ZNF516: variants seen among roughly 807,000 people sequenced by gnomAD.
ZNF516 encodes zinc finger protein 516.
In ZNF516, 19 loss-of-function variants were observed where a neutral mutation model predicts 79.7. That is an observed-to-expected ratio of 0.24 (90% CI 0.17 to 0.35). ZNF516 has a LOEUF of 0.35. ZNF516 is among the 10% of genes least tolerant of loss of function. The probability of loss-of-function intolerance (pLI) is 1.00; values close to 1 mark genes in which losing one functional copy is unlikely to be tolerated. For missense variants in ZNF516, 1,678 were observed against 1,679.5 expected, an observed-to-expected ratio of 1.00 and a Z score of 0.02; for synonymous variants, 877 against 739.5, an observed-to-expected ratio of 1.19 and a Z score of -3.02.
Position 76,360,644 on chromosome 18 carries a change from AAAATATATATATATAT to A in ZNF516, c.*1838_*1853del, listed in dbSNP as rs1252996544. 2 of 101,664 alleles carry A rather than the reference AAAATATATATATATAT, an allele frequency of 2.0e-5. No individual in the cohort carries two copies. The highest frequency in any genetic ancestry group is 3.7e-5 in the African/African-American group (1 of 27,230). 6.3% of individuals were successfully genotyped at this position (101,664 alleles called of 1,614,324 possible). On this transcript the variant is annotated 3_prime_UTR_variant, in exon 7 of 7. Coordinates refer to ENST00000443185, the MANE Select transcript of ZNF516 (RefSeq NM_014643.4). ...AGAAAAAAATAAGTAAAAAAAAAAA[AAAATATATATATATAT>A]ATATATATATATATATATAAGCTAG...
Position 76,442,433 on chromosome 18 carries a change from C to A in ZNF516, c.622G>T (p.Ala208Ser), listed in dbSNP as rs771426674. 1 of 1,606,734 alleles carries A rather than the reference C, an allele frequency of 6.2e-7. No individual in the cohort carries two copies. Among genetic ancestry groups the A allele is most frequent in the African/African-American group, 1.3e-5 (1 of 75,060 alleles). The change falls in exon 3 of 7, where the codon GCG becomes TCG. Residue 208 changes from alanine to serine, a missense_variant. Transcript: ENST00000443185. ...KPFKCRLCSY[A>S]TLREESLLSH... ...AGCAGCGACTCCTCCCGCAGCGTCG[C>A]GTAGCTGCACAGCCTGCACTTGAAC...
intron 4 of ZNF516, among the ~76,000 whole-genome samples, chr18:76,373,320 A>T (rs2074737506): frequency 6.6e-6 from 1 of 151,830 alleles, no homozygotes; most frequent in Admixed American, 6.6e-5. Context: ...GGGGAGAAAG[A>T]AAAGAAGGAA....
chr18:76,371,695 G>C, intron 4 of ZNF516, 124 bp from the exon 5 acceptor site: 1 of 745,902 alleles, frequency 1.3e-6, no homozygotes, highest in Non-Finnish European at 2.2e-6. Context: ...GTCATCATGT[G>C]AGGCTCCCTT....
At chr18:76,365,566 T>C (rs2074600301) in intron 6 of ZNF516, among the ~76,000 whole-genome samples, 2 of 152,258 alleles carry the variant, frequency 1.3e-5, no homozygotes, top group Admixed American at 1.3e-4. Context: ...ATTAAACATT[T>C]ATTCAGTTGT....
chr18:76,428,211 C>T (rs973271070), intron 3 of ZNF516, among the ~76,000 whole-genome samples: 1 of 151,874 alleles, frequency 6.6e-6, no homozygotes, highest in Non-Finnish European at 1.5e-5. Flanking sequence ...CACAGTGAAA[C>T]CCTGTCTGTA....
chr18:76,362,910 G>C (rs1038167756), intron 6 of ZNF516, among the ~76,000 whole-genome samples: 2 of 152,222 alleles, frequency 1.3e-5, no homozygotes, highest in African/African-American at 4.8e-5. Context: ...AAGTTGGCAA[G>C]ATGAGGAGGC....
Position 76,390,116 on chromosome 18 carries a change from G to A in ZNF516, c.1811-9813C>T, listed in dbSNP as rs547236906. On this transcript the variant is annotated intron_variant, in intron 3 of 6. Transcript: ENST00000443185. Reference sequence around the variant, plus strand: ...CTCTTCCTCCTACACAAAACGTCCTGACGGGTCCCTCAGAGTGAATCTATG... The same window carrying A: ...CTCTTCCTCCTACACAAAACGTCCTAACGGGTCCCTCAGAGTGAATCTATG... Among the ~76,000 whole-genome samples, 18 of 152,284 alleles carry A rather than the reference G, an allele frequency of 1.2e-4. No homozygotes were observed. In the South Asian group the frequency reaches 2.9e-3, roughly 25 times the overall value.
At chr18:76,458,825 G>GTGCCTCACCGTCGTGTGTGTGCA (rs1912912522) in intron 2 of ZNF516, among the ~76,000 whole-genome samples, 1 of 148,706 alleles carries the variant, frequency 6.7e-6, no homozygotes, top group Non-Finnish European at 1.5e-5. Context: ...GTGCGTGTGC[G>GTGCCTCACCGTCGTGTGTGTGCA]TGCCTCACCG....
rs907245283 is a variant in ZNF516, at chr18:76,367,026, G to A, written c.3432+3502C>T. On this transcript the variant is annotated intron_variant, in intron 6 of 6. Coordinates refer to ENST00000443185, the MANE Select transcript of ZNF516 (RefSeq NM_014643.4). ...GATCTCTCCTCTCCACTATAAACCCGTATCTTCGCCTGCCTATTAGACATT... is the reference window on the plus strand; with the variant it reads ...GATCTCTCCTCTCCACTATAAACCCATATCTTCGCCTGCCTATTAGACATT... 4.6e-5 allele frequency among the ~76,000 whole-genome samples: 7 copies of A among 152,258 alleles called. No individual in the cohort carries two copies. The South Asian group carries it at 8.3e-4, about 18-fold the overall frequency.
At position 76,454,306 on chromosome 18, in the gene ZNF516, T is replaced by C. The variant is rs141926701; in HGVS notation, c.-158+8722A>G. 1.0e-3 allele frequency among the ~76,000 whole-genome samples: 155 copies of C among 152,332 alleles called. 1 individual carries two copies. The highest frequency in any genetic ancestry group is 1.3e-3 in the East Asian group (7 of 5,186). On this transcript the variant is annotated intron_variant, in intron 2 of 6. Coordinates refer to ENST00000443185, the MANE Select transcript of ZNF516 (RefSeq NM_014643.4). ...TTTTTTGTTAAAAGAAAAAAACAGA[T>C]ACGCTGAAACTAAGAAGATTTTGAT... is the stretch of plus-strand genomic sequence containing the variant.
chr18:76,370,002 G>A (rs1016227651), intron 6 of ZNF516, among the ~76,000 whole-genome samples: 1 of 152,212 alleles, frequency 6.6e-6, no homozygotes, highest in African/African-American at 2.4e-5. Context: ...CATGTACACA[G>A]GTCACGCCTG....
intron 3 of ZNF516, among the ~76,000 whole-genome samples, chr18:76,382,911 T>C (rs886786304): frequency 4.6e-5 from 7 of 151,636 alleles, no homozygotes; most frequent in Admixed American, 4.6e-4. Context: ...CCAAGCGTGG[T>C]GGCATGCGCC....
chr18:76,414,905 ATAG>A (rs2075413817), intron 3 of ZNF516, among the ~76,000 whole-genome samples: 1 of 152,288 alleles, frequency 6.6e-6, no homozygotes, highest in South Asian at 2.1e-4. Flanking sequence ...ATACAAAAAA[ATAG>A]TAGTTTACAC....
At chr18:76,458,721 G>A (rs1159137049) in intron 2 of ZNF516, among the ~76,000 whole-genome samples, 1 of 148,098 alleles carries the variant, frequency 6.8e-6, no homozygotes, top group Non-Finnish European at 1.5e-5. Context: ...CGTCGTGCGT[G>A]TGCATGCCTG....
upstream of ZNF516, chr18:76,496,280 C>G (rs764147810): frequency 5.4e-6 from 7 of 1,288,556 alleles, no homozygotes; most frequent in African/African-American, 1.1e-4. Flanking sequence ...TCCCACCAGG[C>G]TCCTGGCCGT....
At chr18:76,383,314 G>A (rs975702083) in intron 3 of ZNF516, among the ~76,000 whole-genome samples, 3 of 152,120 alleles carry the variant, frequency 2.0e-5, no homozygotes, top group African/African-American at 7.2e-5. Context: ...CTGGAGAGGC[G>A]CAGGATCCTC....
chr18:76,442,211 C>T lies in ZNF516; in HGVS notation c.844G>A (p.Gly282Ser), dbSNP rs1436759669. 1.2e-6 allele frequency: 2 copies of T among 1,613,820 alleles called. No homozygotes were observed. The highest frequency in any genetic ancestry group is 8.5e-7 in the Non-Finnish European group (1 of 1,179,870). The change falls in exon 3 of 7, where the codon GGC becomes AGC. Residue 282 changes from glycine (G) to serine (S), a missense_variant. Physicochemically the swap from Gly to Ser is moderately conservative, Grantham distance 56. Coordinates refer to ENST00000443185, the MANE Select transcript of ZNF516 (RefSeq NM_014643.4). ...GSFDHGCHIC[G>S]RRFKEPWFLK... ...AACCAGGGCTCCTTGAACCTACGGCCGCAGATGTGGCAGCCGTGGTCGAAG... is the reference window on the plus strand; with the variant it reads ...AACCAGGGCTCCTTGAACCTACGGCTGCAGATGTGGCAGCCGTGGTCGAAG...
At chr18:76,404,956 C>G (rs1239074820) in intron 3 of ZNF516, among the ~76,000 whole-genome samples, 1 of 152,100 alleles carries the variant, frequency 6.6e-6, no homozygotes, top group African/African-American at 2.4e-5. Context: ...GGTCGATGGT[C>G]CCCCTACCCT....
chr18:76,451,561 G>A lies in ZNF516; in HGVS notation c.-157-8350C>T, dbSNP rs771386607. Among the ~76,000 whole-genome samples, 5 of 152,200 alleles carry A rather than the reference G, an allele frequency of 3.3e-5. No homozygotes were observed. The highest frequency in any genetic ancestry group is 2.1e-4 in the South Asian group (1 of 4,832). ...TCATAAAATCTAAAAGAGCAACTACGCTGGTGCGTTTCTGAAGGACGACTC... is the reference window on the plus strand; with the variant it reads ...TCATAAAATCTAAAAGAGCAACTACACTGGTGCGTTTCTGAAGGACGACTC... On this transcript the variant is annotated intron_variant, in intron 2 of 6. Coordinates refer to ENST00000443185, the MANE Select transcript of ZNF516 (RefSeq NM_014643.4). The surrounding 1 kb of genome is among the most constrained non-coding windows in gnomAD (Gnocchi z 6.0).
Sources: allele counts gnomAD v4.1 joint callset (sites outside exome capture counted in the v4.1 genomes callset), GRCh38; gene constraint gnomAD v4.1.1; non-coding constraint Gnocchi (gnomAD v3.1); transcripts MANE v1.5; gene names NCBI Gene and HGNC (gene_info 2026-07-23, HGNC 2026-07-21).